TRIP13: variants seen among roughly 807,000 people sequenced by gnomAD.
TRIP13 encodes thyroid hormone receptor interactor 13.
A neutral mutation model predicts 54.4 loss-of-function variants in TRIP13; 25 were observed. The observed-to-expected ratio is 0.46, with a 90% CI of 0.33 to 0.64. TRIP13 has a LOEUF of 0.64. Ranked by LOEUF, TRIP13 falls within the 30% of genes least tolerant of loss-of-function variation. TRIP13 has a pLI of 0.02. For missense variants in TRIP13, 373 were observed against 534.2 expected (o/e 0.70, Z 2.97); for synonymous variants, 207 against 207.8 (o/e 1.00, Z 0.03).
Position 892,895 on chromosome 5 carries a change from T to C in TRIP13, c.-104T>C. The C allele has an allele frequency of 4.1e-6, 5 of 1,209,380 alleles. No homozygotes were observed. The highest frequency in any genetic ancestry group is 5.5e-6 in the Non-Finnish European group (5 of 916,116). The allele number at this position is 1,209,380 out of a possible 1,614,324, so 74.9% of individuals were successfully genotyped here. The stretch of plus-strand genomic sequence containing the variant: ...GCGCCTCGCGCGGCAGATTCGAAGC[T>C]AGGGCGGGGCCCGCGGGCTGAGGCA... On this transcript the variant is annotated 5_prime_UTR_variant, in exon 1 of 13. Transcript: ENST00000166345.
Position 900,659 on chromosome 5 carries a change from C to T in TRIP13, c.444+110C>T, listed in dbSNP as rs140755574. The T allele has an allele frequency of 9.4e-4, 1,075 of 1,141,974 alleles. 8 individuals are homozygous for T. Among genetic ancestry groups the T allele is most frequent in the East Asian group, 3.1e-3 (124 of 39,380 alleles). The allele number at this position is 1,141,974 out of a possible 1,614,324, so 70.7% of individuals were successfully genotyped here. ...TTGATGCAGATGGGTTTTTGGGAGCCCCTGTCTGCTGGCAGCCCTTGTCCT... is the reference window on the plus strand; with the variant it reads ...TTGATGCAGATGGGTTTTTGGGAGCTCCTGTCTGCTGGCAGCCCTTGTCCT... On this transcript the variant is annotated intron_variant, in intron 4 of 12. Coordinates refer to ENST00000166345, the MANE Select transcript of TRIP13 (RefSeq NM_004237.4).
At chr5:900,627 G>A in intron 4 of TRIP13, 78 bp downstream of exon 4, 2 of 1,513,628 alleles carry the variant, frequency 1.3e-6, no homozygotes, top group Non-Finnish European at 1.8e-6. Flanking sequence ...CAACACCCCT[G>A]AGCAACTTGA....
At chr5:893,227 G>A in intron 1 of TRIP13, 137 bp downstream of exon 1, 2 of 876,872 alleles carry the variant, frequency 2.3e-6, no homozygotes, top group African/African-American at 1.8e-5. Context: ...ACTGGACCCG[G>A]GCGCACAGGC....
At position 906,979 on chromosome 5, in the gene TRIP13, C is replaced by T. The variant is rs45586233; in HGVS notation, c.609-151C>T. On this transcript the variant is annotated intron_variant, in intron 6 of 12. Coordinates refer to ENST00000166345, the MANE Select transcript of TRIP13 (RefSeq NM_004237.4). ...GACTTTTTCATAATTATTTAGTACA[C>T]GGAGGGCTGGATTCCTCAATTCTTT... 36,656 of 636,560 alleles carry T rather than the reference C, an allele frequency of 0.058. 1,498 individuals are homozygous for T. Among genetic ancestry groups the T allele is most frequent in the African/African-American group, 0.17 (9,129 of 54,576 alleles). 39.4% of individuals were successfully genotyped at this position (636,560 alleles called of 1,614,324 possible). A position where few individuals can be genotyped will look rare whatever the true frequency, so the allele number is the denominator to read the frequency against.
chr5:902,034 T>C (rs1245213149), intron 5 of TRIP13, among the ~76,000 whole-genome samples: 1 of 152,238 alleles, frequency 6.6e-6, no homozygotes, highest in East Asian at 1.9e-4. Flanking sequence ...TGTAGACTAT[T>C]TTTTCCTACA....
At chr5:904,605 C>T (rs1300631195) in intron 6 of TRIP13, among the ~76,000 whole-genome samples, 1 of 152,104 alleles carries the variant, frequency 6.6e-6, no homozygotes, top group Non-Finnish European at 1.5e-5. Context: ...TGACCCTCCC[C>T]TTTATCTGGG....
chr5:918,501 C>T (rs1754376912), downstream of TRIP13, among the ~76,000 whole-genome samples: 1 of 152,092 alleles, frequency 6.6e-6, no homozygotes, highest in African/African-American at 2.4e-5. The surrounding 1 kb of genome is among the most constrained non-coding windows in gnomAD (Gnocchi z 4.3). Flanking sequence ...CTTCAAGAAA[C>T]AATTTGAGCT....
intron 2 of TRIP13, among the ~76,000 whole-genome samples, chr5:896,230 C>G (rs1411576135): frequency 6.6e-6 from 1 of 152,196 alleles, no homozygotes; most frequent in Non-Finnish European, 1.5e-5. Flanking sequence ...GGGAGGATCA[C>G]TTGAGTCCAG....
intron 6 of TRIP13, among the ~76,000 whole-genome samples, chr5:905,053 G>A (rs1330060676): frequency 6.6e-6 from 1 of 151,962 alleles, no homozygotes; most frequent in Admixed American, 6.5e-5. Context: ...TCTGAAGTGT[G>A]TGGATTGTGT....
chr5:903,075 G>A (rs1754029781), intron 5 of TRIP13, among the ~76,000 whole-genome samples: 1 of 152,156 alleles, frequency 6.6e-6, no homozygotes, highest in African/African-American at 2.4e-5. Context: ...ACTGCGGGCG[G>A]GTCTGACTAA....
intron 11 of TRIP13, among the ~76,000 whole-genome samples, chr5:914,841 C>T (rs1487298835): frequency 6.6e-6 from 1 of 152,066 alleles, no homozygotes; most frequent in Non-Finnish European, 1.5e-5. Flanking sequence ...TGCAACCCTA[C>T]GGCTGACGAC....
intron 9 of TRIP13, among the ~76,000 whole-genome samples, chr5:910,281 CCT>C (rs1163147613): frequency 6.6e-6 from 1 of 152,224 alleles, no homozygotes; most frequent in Non-Finnish European, 1.5e-5. Flanking sequence ...CCCTCCCCGG[CCT>C]CCATTCTCCT....
In TRIP13 at chr5:914,543, T is replaced by C; in HGVS notation, c.1099T>C (p.Ser367Pro). The C allele has an allele frequency of 1.2e-6, 2 of 1,613,646 alleles. No homozygotes were observed. Among genetic ancestry groups the C allele is most frequent in the Non-Finnish European group, 1.7e-6 (2 of 1,179,910 alleles). ...EMIGFIENNV[S>P]KLSLLLNDIS... is the part of the protein sequence containing the mutation. ...GATTGGCTTCATTGAAAACAACGTGTCAAAATTGAGCCTTCTTTTGAATGA... is the reference window on the plus strand; with the variant it reads ...GATTGGCTTCATTGAAAACAACGTGCCAAAATTGAGCCTTCTTTTGAATGA... Residue 367 changes from serine (S) to proline (P), a missense_variant, in exon 11 of 13, where the codon TCA (serine) becomes CCA (proline). Physicochemically the swap from Ser to Pro is moderately conservative, Grantham distance 74. Around this residue, in one of 4 missense-constraint regions of TRIP13, gnomAD observed 101 missense variants for 138.5 expected, o/e 0.73. Transcript: ENST00000166345.
In TRIP13 at chr5:908,959, G is replaced by GAA; in HGVS notation, c.866+507_866+508dup. 2 of 153,982 alleles carry GAA rather than the reference G, an allele frequency of 1.3e-5. No individual in the cohort carries two copies. The highest frequency in any genetic ancestry group is 1.9e-4 in the East Asian group (1 of 5,352). 9.5% of individuals were successfully genotyped at this position (153,982 alleles called of 1,614,324 possible). A position where few individuals can be genotyped will look rare whatever the true frequency, so the allele number is the denominator to read the frequency against. Reference sequence around the variant, plus strand: ...GGTGACAGAGCAAGACTCCGTCTCAGAAAAAAAAAATGTGAAAGAAAACTC... The same window carrying GAA: ...GGTGACAGAGCAAGACTCCGTCTCAGAAAAAAAAAAAATGTGAAAGAAAACTC... On this transcript the variant is annotated intron_variant, in intron 9 of 12. Transcript: ENST00000166345. This position sits in a 1 kb window ranked among gnomAD's most constrained non-coding sequence, Gnocchi z 5.2.
chr5:916,238 G>A (rs1296185519), intron 12 of TRIP13, among the ~76,000 whole-genome samples: 2 of 152,200 alleles, frequency 1.3e-5, no homozygotes, highest in African/African-American at 4.8e-5. Context: ...GGTGTGCTGA[G>A]CTCGTGGCCA....
intron 10 of TRIP13, among the ~76,000 whole-genome samples, chr5:914,232 G>A (rs1410225749): frequency 6.6e-6 from 1 of 152,298 alleles, no homozygotes; most frequent in African/African-American, 2.4e-5. Flanking sequence ...TGGTTTCTGA[G>A]GCATGTTCCG....
chr5:901,067 G>T (rs956248141), intron 4 of TRIP13, among the ~76,000 whole-genome samples: 11 of 152,146 alleles, frequency 7.2e-5, no homozygotes, highest in Admixed American at 5.2e-4. Context: ...ACCCCTTAGT[G>T]GTTTTGTTTA....
intron 4 of TRIP13, 39 bp from the exon 5 acceptor site, chr5:901,302 T>C (rs755173993): frequency 1.3e-6 from 2 of 1,596,414 alleles, no homozygotes; most frequent in Non-Finnish European, 1.7e-6. Context: ...CTTTGCCTTG[T>C]TGGTATCTTT....
In TRIP13 at chr5:911,686, G is replaced by A. The variant is rs184554037; in HGVS notation, c.867-157G>A. Among the ~76,000 whole-genome samples the A allele has an allele frequency of 6.6e-6, 1 of 152,186 alleles. No homozygotes were observed. Among genetic ancestry groups the A allele is most frequent in the Admixed American group, 6.5e-5 (1 of 15,286 alleles). On this transcript the variant is annotated intron_variant, in intron 9 of 12. Coordinates refer to ENST00000166345, the MANE Select transcript of TRIP13 (RefSeq NM_004237.4). The surrounding 1 kb of genome is among the most constrained non-coding windows in gnomAD (Gnocchi z 4.7). Reference sequence around the variant, plus strand: ...CAAGGAGCAGCGAGAGCAAAGGCTGGGGGGTCTGCGTGGCCTGTGTTGGCA... The same window carrying A: ...CAAGGAGCAGCGAGAGCAAAGGCTGAGGGGTCTGCGTGGCCTGTGTTGGCA...
Sources: allele counts gnomAD v4.1 joint callset (sites outside exome capture counted in the v4.1 genomes callset), GRCh38; gene constraint gnomAD v4.1.1; regional missense constraint gnomAD v4.1.1; non-coding constraint Gnocchi (gnomAD v3.1); transcripts MANE v1.5; gene names NCBI Gene and HGNC (gene_info 2026-07-23, HGNC 2026-07-21).